Variants in DYNC1I1 observed in about 807,000 individuals in gnomAD.
DYNC1I1 encodes cytoplasmic dynein 1 intermediate chain 1.
In DYNC1I1, 43 loss-of-function variants were observed where a neutral mutation model predicts 86.6. The ratio of observed to expected loss-of-function variants is 0.50; its 90% CI spans 0.39 to 0.64. The LOEUF is 0.64. Ranked by LOEUF, DYNC1I1 falls within the 30% of genes least tolerant of loss-of-function variation. DYNC1I1 has a pLI of 0.00. For missense variants in DYNC1I1, 604 were observed against 788.8 expected (o/e 0.77, Z 2.81); for synonymous variants, 262 against 283.7 (o/e 0.92, Z 0.77).
At chr7:96,008,507 T>A (rs1360506439) in intron 10 of DYNC1I1, among the ~76,000 whole-genome samples, 1 of 152,230 alleles carries the variant, frequency 6.6e-6, no homozygotes, top group Admixed American at 6.5e-5. Flanking sequence ...ATTATTTTCA[T>A]TTCTCTGTCG....
chr7:96,068,484 A>G (rs1476412378), intron 14 of DYNC1I1, among the ~76,000 whole-genome samples: 2 of 152,174 alleles, frequency 1.3e-5, no homozygotes, highest in African/African-American at 4.8e-5. Context: ...TGTGTCTTTT[A>G]TATATATGGT....
chr7:96,053,687 C>A (rs1351311658), intron 14 of DYNC1I1, among the ~76,000 whole-genome samples: 2 of 152,094 alleles, frequency 1.3e-5, no homozygotes, highest in Non-Finnish European at 2.9e-5. Context: ...TTTAATATTT[C>A]TTTTATGATA....
At chr7:95,923,416 C>A (rs1791662405) in intron 6 of DYNC1I1, among the ~76,000 whole-genome samples, 1 of 152,046 alleles carries the variant, frequency 6.6e-6, no homozygotes, top group African/African-American at 2.4e-5. Flanking sequence ...TCTTAGTGCC[C>A]AAAAGAAGTA....
At chr7:95,898,966 A>G (rs758851055) in intron 6 of DYNC1I1, among the ~76,000 whole-genome samples, 3 of 152,206 alleles carry the variant, frequency 2.0e-5, no homozygotes, top group Non-Finnish European at 2.9e-5. Context: ...TAAAAATAAT[A>G]CTTTATTGAA....
intron 6 of DYNC1I1, among the ~76,000 whole-genome samples, chr7:95,894,336 T>C (rs989426672): frequency 1.3e-5 from 2 of 152,084 alleles, no homozygotes; most frequent in Non-Finnish European, 2.9e-5. Context: ...TCTCCTGATA[T>C]GATAGAAGGG....
At chr7:96,015,850 G>C (rs1313694616) in intron 10 of DYNC1I1, among the ~76,000 whole-genome samples, 3 of 152,060 alleles carry the variant, frequency 2.0e-5, no homozygotes, top group African/African-American at 7.2e-5. Flanking sequence ...TAAAACATAA[G>C]TTTACCCTTG....
At chr7:95,912,307 G>T (rs1235498154) in intron 6 of DYNC1I1, among the ~76,000 whole-genome samples, 4 of 152,226 alleles carry the variant, frequency 2.6e-5, no homozygotes, top group Non-Finnish European at 5.9e-5. Flanking sequence ...AAAGTGCTGG[G>T]ATTACAGGCT....
At chr7:95,912,264 T>C (rs542210768) in intron 6 of DYNC1I1, among the ~76,000 whole-genome samples, 1 of 152,318 alleles carries the variant, frequency 6.6e-6, no homozygotes, top group South Asian at 2.1e-4. Context: ...CTCAAAATCC[T>C]GACCTCAGGT....
rs567022621 is a variant in DYNC1I1, at chr7:95,971,388, T to G, written c.491-6124T>G. On this transcript the variant is annotated intron_variant, in intron 6 of 16. Coordinates refer to ENST00000447467, the MANE Select transcript of DYNC1I1 (RefSeq NM_001135556.2). ...GTTAAGCCTTTTTCTATTAAAAATT[T>G]AAAAATATGTTATAAGAAGAATCAC... is the stretch of plus-strand genomic sequence containing the variant. Among the ~76,000 whole-genome samples, 229 of 152,308 alleles carry G rather than the reference T, an allele frequency of 1.5e-3. 1 individual carries two copies. Among genetic ancestry groups the G allele is most frequent in the Non-Finnish European group, 2.2e-3 (152 of 68,022 alleles).
chr7:96,102,189 T>A (rs1791146576), downstream of DYNC1I1, among the ~76,000 whole-genome samples: 1 of 152,136 alleles, frequency 6.6e-6, no homozygotes, highest in Non-Finnish European at 1.5e-5. Flanking sequence ...TGAGAAATAA[T>A]TATTTTAATT....
chr7:95,845,723 T>C lies in DYNC1I1; in HGVS notation c.374+17607T>C, dbSNP rs529556787. Among the ~76,000 whole-genome samples, 43 of 152,292 alleles carry C rather than the reference T, an allele frequency of 2.8e-4. 1 individual carries two copies. The highest frequency in any genetic ancestry group is 7.2e-4 in the African/African-American group (30 of 41,568). ...CAAAATGTATTTCAGAATCTATAAA[T>C]ATAGATTTATATTCTGACCCATGAA... On this transcript the variant is annotated intron_variant, in intron 5 of 16. Transcript: ENST00000447467.
At chr7:95,789,066 A>T (rs1324024775) in intron 1 of DYNC1I1, among the ~76,000 whole-genome samples, 6 of 152,202 alleles carry the variant, frequency 3.9e-5, no homozygotes, top group Non-Finnish European at 8.8e-5. Context: ...TACATTTTTT[A>T]AAAAGTCTTG....
intron 6 of DYNC1I1, among the ~76,000 whole-genome samples, chr7:95,957,442 C>T (rs1163599609): frequency 6.6e-6 from 1 of 151,546 alleles, no homozygotes; most frequent in Non-Finnish European, 1.5e-5. Context: ...ATCTTTATCC[C>T]CTCCTCCTCC....
chr7:96,027,712 C>G (rs559771905), intron 10 of DYNC1I1, among the ~76,000 whole-genome samples: 1 of 152,226 alleles, frequency 6.6e-6, no homozygotes, highest in Admixed American at 6.5e-5. Flanking sequence ...TCTTAAAGGC[C>G]TTGAATCTAG....
chr7:95,885,724 C>G (rs1790576270), intron 6 of DYNC1I1, among the ~76,000 whole-genome samples: 1 of 152,250 alleles, frequency 6.6e-6, no homozygotes, highest in Non-Finnish European at 1.5e-5. Context: ...TAGCTTCAAG[C>G]AGTCCTCCTG....
chr7:96,013,919 A>T (rs920428065), intron 10 of DYNC1I1, among the ~76,000 whole-genome samples: 2 of 152,188 alleles, frequency 1.3e-5, no homozygotes, highest in African/African-American at 4.8e-5. Flanking sequence ...CAGAATTAAC[A>T]TGATTTTCAC....
At chr7:95,852,706 C>A (rs557567391) in intron 5 of DYNC1I1, among the ~76,000 whole-genome samples, 2 of 152,126 alleles carry the variant, frequency 1.3e-5, no homozygotes, top group Admixed American at 1.3e-4. Context: ...GGGGTTTCAC[C>A]ATTTTGGCCA....
At chr7:95,910,268 A>C (rs569887907) in intron 6 of DYNC1I1, among the ~76,000 whole-genome samples, 2 of 152,238 alleles carry the variant, frequency 1.3e-5, no homozygotes, top group South Asian at 2.1e-4. Flanking sequence ...CTAAAACCCT[A>C]ACTCTAGCCA....
chr7:95,989,047 T>C (rs1793665503), intron 9 of DYNC1I1, among the ~76,000 whole-genome samples: 1 of 152,146 alleles, frequency 6.6e-6, no homozygotes, highest in Admixed American at 6.5e-5. Context: ...AAAGAGCTTG[T>C]AAAGGTGCAG....
Sources: allele counts gnomAD v4.1 joint callset (sites outside exome capture counted in the v4.1 genomes callset), GRCh38; gene constraint gnomAD v4.1.1; transcripts MANE v1.5; gene names NCBI Gene and HGNC (gene_info 2026-07-23, HGNC 2026-07-21).